Variants in ZNF296 observed in about 807,000 individuals in gnomAD.
ZNF296 encodes zinc finger protein 296.
ZNF296 carries 1 observed loss-of-function variant against 13.2 expected under a neutral mutation model. The ratio of observed to expected loss-of-function variants is 0.08; its 90% CI spans 0.03 to 0.36. ZNF296 has a LOEUF of 0.36. Among genes scored for constraint, ZNF296 ranks in the 10% least tolerant of loss-of-function variants. ZNF296 has a pLI of 0.99. For synonymous variants in ZNF296, 303 were observed against 289.0 expected (o/e 1.05, Z -0.49); for missense variants, 555 against 688.2 (o/e 0.81, Z 2.16).
rs547017679 is a variant in ZNF296 at position 45,075,018 on chromosome 19, G to T, written c.448+695C>A. Reference sequence around the variant, plus strand: ...AGTCTCAGAAGGGCAAGGGCCAGGGGGCTGGAAACTAGGTTTGGATTAAGC... The same window carrying T: ...AGTCTCAGAAGGGCAAGGGCCAGGGTGCTGGAAACTAGGTTTGGATTAAGC... On this transcript the variant is annotated intron_variant, in intron 2 of 2. Transcript: ENST00000303809. 3.5e-4 allele frequency among the ~76,000 whole-genome samples: 53 copies of T among 152,280 alleles called. 1 individual carries two copies. Among genetic ancestry groups the T allele is most frequent in the African/African-American group, 1.1e-3 (46 of 41,556 alleles).
At position 45,075,844 on chromosome 19, in the gene ZNF296, T is replaced by C. The variant is rs1426212426; in HGVS notation, c.317A>G (p.Asp106Gly). The stretch of plus-strand genomic sequence containing the variant: ...GCAGGTCAACAGATCTGGGTGTTTG[T>C]CGGTCCAGGGCTGGCGGTCTGCAGG... The part of the protein sequence containing the change: ...PNYPDRQPWT[D>G]KHPDLLTCGR... The change falls in exon 2 of 3, where the codon GAC (aspartate) becomes GGC (glycine). Residue 106 changes from aspartate to glycine, a missense_variant. By Grantham distance (94) the Asp-to-Gly change is moderately conservative. Coordinates refer to ENST00000303809, the MANE Select transcript of ZNF296 (RefSeq NM_145288.3). 5 of 1,613,750 alleles carry C rather than the reference T, an allele frequency of 3.1e-6. No individual in the cohort carries two copies. In the South Asian group the frequency reaches 3.3e-5, roughly 11 times the overall value.
At chr19:45,075,133 C>T (rs1251438339) in intron 2 of ZNF296, among the ~76,000 whole-genome samples, 2 of 152,334 alleles carry the variant, frequency 1.3e-5, no homozygotes, top group Admixed American at 1.3e-4. Flanking sequence ...ACCCGGGTGT[C>T]CAGCACCCGG....
rs774264310 is a variant in ZNF296 at position 45,072,404 on chromosome 19, C to A, written c.625G>T (p.Val209Leu). The change falls in exon 3 of 3, where the codon GTG becomes TTG. Residue 209 changes from valine (V) to leucine (L), a missense_variant. By Grantham distance (32) the Val-to-Leu change is conservative. Coordinates refer to ENST00000303809, the MANE Select transcript of ZNF296 (RefSeq NM_145288.3). Reference sequence around the variant, plus strand: ...TTGGCCTCAGCTGCTGGCCCCACCACTGCCGACACGGCTGCAGCCACCTCG... The same window carrying A: ...TTGGCCTCAGCTGCTGGCCCCACCAATGCCGACACGGCTGCAGCCACCTCG... ...LAEVAAAVSA[V>L]VGPAAEAKSP... 3 of 1,612,362 alleles carry A rather than the reference C, an allele frequency of 1.9e-6. No individual in the cohort carries two copies. Among genetic ancestry groups the A allele is most frequent in the Non-Finnish European group, 2.5e-6 (3 of 1,179,718 alleles).
In ZNF296 at chr19:45,076,389, C is replaced by G; in HGVS notation, c.-16G>C. The G allele has an allele frequency of 1.6e-6, 2 of 1,266,878 alleles. No homozygotes were observed. Among genetic ancestry groups the G allele is most frequent in the Non-Finnish European group, 2.0e-6 (2 of 1,006,362 alleles). 78.5% of individuals were successfully genotyped at this position (1,266,878 alleles called of 1,614,324 possible). ...GGCGGGACATGAGTCGCGGGCCGGG[C>G]GAGCGAGCGGGCGGGCAGGCAGGCA... is the stretch of plus-strand genomic sequence containing the variant. On this transcript the variant is annotated 5_prime_UTR_variant, in exon 1 of 3. Transcript: ENST00000303809. The surrounding 1 kb of genome is among the most constrained non-coding windows in gnomAD (Gnocchi z 4.9).
chr19:45,074,527 A>T (rs902949881), intron 2 of ZNF296, among the ~76,000 whole-genome samples: 1 of 152,162 alleles, frequency 6.6e-6, no homozygotes, highest in Non-Finnish European at 1.5e-5. Flanking sequence ...TCCTAGGTGA[A>T]CTAGCCTTTC....
intron 2 of ZNF296, among the ~76,000 whole-genome samples, chr19:45,073,894 C>T (rs1004161299): frequency 5.9e-5 from 9 of 151,492 alleles, no homozygotes; most frequent in Admixed American, 2.6e-4. Flanking sequence ...TGGTGGTGCG[C>T]GCCTGTAATC....
chr19:45,075,563 C>T (rs1967330211), intron 2 of ZNF296, 150 bp downstream of exon 2: 2 of 491,332 alleles, frequency 4.1e-6, no homozygotes, highest in Non-Finnish European at 6.4e-6. Context: ...TGCCCTAGGA[C>T]GGGCAGGCCC....
At chr19:45,073,890 T>C (rs1288376376) in intron 2 of ZNF296, among the ~76,000 whole-genome samples, 3 of 150,712 alleles carry the variant, frequency 2.0e-5, no homozygotes, top group African/African-American at 7.3e-5. Context: ...GGTGTGGTGG[T>C]GCGCGCCTGT....
rs1967327229 is a variant in ZNF296 at position 45,075,476 on chromosome 19, C to T, written c.448+237G>A. Reference sequence around the variant, plus strand: ...AAAATCCCGGGCTAGTCTTCTGGGGCTGGCCACACCCTGTAGGCGGCCCTC... The same window carrying T: ...AAAATCCCGGGCTAGTCTTCTGGGGTTGGCCACACCCTGTAGGCGGCCCTC... On this transcript the variant is annotated intron_variant, in intron 2 of 2. Coordinates refer to ENST00000303809, the MANE Select transcript of ZNF296 (RefSeq NM_145288.3). Among the ~76,000 whole-genome samples the T allele has an allele frequency of 2.0e-5, 3 of 152,280 alleles. No individual in the cohort carries two copies. The South Asian group carries it at 6.2e-4, about 32-fold the overall frequency.
intron 2 of ZNF296, 23 bp from the exon 3 acceptor site, chr19:45,072,603 T>C: frequency 2.6e-6 from 4 of 1,568,224 alleles, no homozygotes; most frequent in Non-Finnish European, 3.5e-6. Context: ...AGAGGCAGAG[T>C]GTTAGTGCGG....
At position 45,076,435 on chromosome 19, in the gene ZNF296, ACGAGCGGAGGACGCG is replaced by A; in HGVS notation, c.-77_-63del. On this transcript the variant is annotated 5_prime_UTR_variant, in exon 1 of 3. Transcript: ENST00000303809. This position sits in a 1 kb window ranked among gnomAD's most constrained non-coding sequence, Gnocchi z 4.9. ...AGGCAGGCGGGCGGGCGGAGGACGC[ACGAGCGGAGGACGCG>A]CGGACCGTGCGCGCTCAGGTGAGTG... 8.6e-7 allele frequency: 1 copy of A among 1,169,220 alleles called. No individual in the cohort carries two copies. Among genetic ancestry groups the A allele is most frequent in the African/African-American group, 1.6e-5 (1 of 62,568 alleles). The allele number at this position is 1,169,220 out of a possible 1,614,324, so 72.4% of individuals were successfully genotyped here.
At position 45,076,197 on chromosome 19, in the gene ZNF296, C is replaced by A; in HGVS notation, c.177G>T (p.Ala59=). The change falls in exon 1 of 3, where the codon GCG becomes GCT. Residue 59 remains alanine (A), a synonymous_variant. Transcript: ENST00000303809. The surrounding 1 kb of genome is among the most constrained non-coding windows in gnomAD (Gnocchi z 4.9). The part of the protein sequence containing the change: ...GPFSPKEVSS[A]GRFGGEPHHS... ...GGTGGGGTTCGCCGCCGAACCGCCCCGCCGAGGACACCTCCTTCGGGGAGA... is the reference window on the plus strand; with the variant it reads ...GGTGGGGTTCGCCGCCGAACCGCCCAGCCGAGGACACCTCCTTCGGGGAGA... 6.6e-7 allele frequency: 1 copy of A among 1,504,948 alleles called. No individual in the cohort carries two copies. The allele number at this position is 1,504,948 out of a possible 1,614,324, so 93.2% of individuals were successfully genotyped here.
Position 45,076,194 on chromosome 19 carries a change from C to T in ZNF296, c.180G>A (p.Gly60=). 1 of 1,506,510 alleles carries T rather than the reference C, an allele frequency of 6.6e-7. No individual in the cohort carries two copies. The highest frequency in any genetic ancestry group is 8.8e-7 in the Non-Finnish European group (1 of 1,131,094). The allele number at this position is 1,506,510 out of a possible 1,614,324, so 93.3% of individuals were successfully genotyped here. A position where few individuals can be genotyped will look rare whatever the true frequency, so the allele number is the denominator to read the frequency against. ...AGTGGTGGGGTTCGCCGCCGAACCG[C>T]CCCGCCGAGGACACCTCCTTCGGGG... The part of the protein sequence containing the change: ...PFSPKEVSSA[G]RFGGEPHHSP... Residue 60 remains glycine (G), a synonymous_variant, in exon 1 of 3, where the codon GGG becomes GGA. Coordinates refer to ENST00000303809, the MANE Select transcript of ZNF296 (RefSeq NM_145288.3). This position sits in a 1 kb window ranked among gnomAD's most constrained non-coding sequence, Gnocchi z 4.9.
intron 2 of ZNF296, 29 bp downstream of exon 2, chr19:45,075,684 A>C: frequency 6.2e-7 from 1 of 1,607,628 alleles, no homozygotes; most frequent in South Asian, 1.1e-5. Context: ...CTCGAACTTG[A>C]GAGGGGGACT....
intron 2 of ZNF296, 64 bp downstream of exon 2, chr19:45,075,649 C>T (rs1967332011): frequency 1.9e-6 from 3 of 1,586,592 alleles, no homozygotes; most frequent in Middle Eastern, 3.4e-4. Context: ...TCCAGCCCAG[C>T]CCCTTTCCAG....
chr19:45,073,807 T>C (rs1426338054), intron 2 of ZNF296, among the ~76,000 whole-genome samples: 1 of 151,464 alleles, frequency 6.6e-6, no homozygotes, highest in Non-Finnish European at 1.5e-5. Context: ...GTTGATCTCT[T>C]GAGGTCAGGG....
In ZNF296 at chr19:45,076,098, CGTCCACAGG is replaced by C; in HGVS notation, c.267_275del (p.Leu90_Thr92del). On this transcript the variant is annotated inframe_deletion, in exon 1 of 3. Transcript: ENST00000303809. This position sits in a 1 kb window ranked among gnomAD's most constrained non-coding sequence, Gnocchi z 4.9. The stretch of plus-strand genomic sequence containing the variant: ...CACCGGGATAGTTCGGGGTCAACGG[CGTCCACAGG>C]GTCCACGGGTTCCGCGGGCCGAGGG... The C allele has an allele frequency of 6.3e-7, 1 of 1,581,510 alleles. No individual in the cohort carries two copies. Among genetic ancestry groups the C allele is most frequent in the Non-Finnish European group, 8.6e-7 (1 of 1,169,240 alleles).
chr19:45,073,467 T>C (rs1316157029), intron 2 of ZNF296, among the ~76,000 whole-genome samples: 1 of 147,512 alleles, frequency 6.8e-6, no homozygotes, highest in Non-Finnish European at 1.5e-5. Context: ...GCCTCCGGGG[T>C]TCACGCCATT....
Position 45,072,598 on chromosome 19 carries a change from C to A in ZNF296, c.449-18G>T. On this transcript the variant is annotated intron_variant, in intron 2 of 2. Coordinates refer to ENST00000303809, the MANE Select transcript of ZNF296 (RefSeq NM_145288.3). The stretch of plus-strand genomic sequence containing the variant: ...CTCTCGTTCTGGTAAGAAAAAGAGG[C>A]AGAGTGTTAGTGCGGACAGCTGCCA... 2 of 1,577,610 alleles carry A rather than the reference C, an allele frequency of 1.3e-6. No homozygotes were observed.
Sources: allele counts gnomAD v4.1 joint callset (sites outside exome capture counted in the v4.1 genomes callset), GRCh38; gene constraint gnomAD v4.1.1; non-coding constraint Gnocchi (gnomAD v3.1); transcripts MANE v1.5; gene names NCBI Gene and HGNC (gene_info 2026-07-23, HGNC 2026-07-21).